The following RIT2 variants were observed in gnomAD, a reference collection of about 807,000 sequenced individuals.
The protein encoded by RIT2 is Ras like without CAAX 2.
In RIT2, 24 loss-of-function variants were observed where a neutral mutation model predicts 23.7. The ratio of observed to expected loss-of-function variants is 1.01; its 90% confidence interval spans 0.73 to 1.43. The LOEUF (loss-of-function observed/expected upper bound fraction) is 1.43. Ranked by LOEUF, RIT2 falls within the 40% of genes most tolerant of loss-of-function variation. RIT2 has a pLI of 0.00. For missense variants in RIT2, 236 were observed against 266.9 expected (o/e 0.88, Z 0.81); for synonymous variants, 107 against 91.1 (o/e 1.17, Z -0.99).
At chr18:43,079,262 G>T (rs2144345653) in intron 1 of RIT2, among the ~76,000 whole-genome samples, 1 of 152,208 alleles carries the variant, frequency 6.6e-6, no homozygotes, top group Non-Finnish European at 1.5e-5. Context: ...CTAGAGCTGA[G>T]ATTTGTGTGT....
intron 4 of RIT2, among the ~76,000 whole-genome samples, chr18:42,872,771 A>G (rs984218317): frequency 1.3e-5 from 2 of 152,134 alleles, no homozygotes; most frequent in Admixed American, 6.6e-5. Flanking sequence ...AAATTTCTCA[A>G]ATGTTAGAAT....
chr18:42,826,406 CA>C (rs1484594264), intron 4 of RIT2, among the ~76,000 whole-genome samples: 1 of 151,910 alleles, frequency 6.6e-6, no homozygotes, highest in Non-Finnish European at 1.5e-5. Context: ...TAAGAGAGAA[CA>C]AAGATTTAAT....
In RIT2 at chr18:43,113,468, C is replaced by G. The variant is rs140421967; in HGVS notation, c.103+1949G>C. On this transcript the variant is annotated intron_variant, in intron 1 of 4. Coordinates refer to ENST00000326695, the MANE Select transcript of RIT2 (RefSeq NM_002930.4). ...CAAGTACTTAATTATGAATTGACTT[C>G]TATTGTACAAAGCAAAGATGAGAGC... Among the ~76,000 whole-genome samples the G allele has an allele frequency of 1.2e-3, 181 of 152,222 alleles. 1 individual carries two copies. The highest frequency in any genetic ancestry group is 4.1e-3 in the African/African-American group (171 of 41,542).
chr18:42,746,739 C>T (rs1272487334), intron 4 of RIT2, among the ~76,000 whole-genome samples: 1 of 151,878 alleles, frequency 6.6e-6, no homozygotes, highest in Non-Finnish European at 1.5e-5. Flanking sequence ...TATTTGAAGC[C>T]AGTATAACCC....
chr18:42,969,690 A>G (rs574084819), intron 3 of RIT2, among the ~76,000 whole-genome samples: 2 of 152,076 alleles, frequency 1.3e-5, no homozygotes, highest in South Asian at 4.2e-4. Flanking sequence ...AAAAAAATTG[A>G]AGGTATTTGC....
chr18:42,892,588 G>A (rs1420787427), intron 4 of RIT2, among the ~76,000 whole-genome samples: 1 of 152,114 alleles, frequency 6.6e-6, no homozygotes, highest in Admixed American at 6.6e-5. Flanking sequence ...TTGAATCTAT[G>A]CAAAGCACAA....
chr18:43,000,396 T>A lies in RIT2; in HGVS notation c.161-26249A>T, dbSNP rs192600794. Among the ~76,000 whole-genome samples, 871 of 152,132 alleles carry A rather than the reference T, an allele frequency of 5.7e-3. 2 individuals are homozygous for A. Among genetic ancestry groups the A allele is most frequent in the Middle Eastern group, 0.01 (3 of 294 alleles). On this transcript the variant is annotated intron_variant, in intron 2 of 4. Transcript: ENST00000326695. ...GTCCTTGACAGGGTTAAACAATCAA[T>A]TGCAATAGGACCAGACTCAAGGGAG...
At chr18:42,953,842 C>T (rs546164966) in intron 3 of RIT2, among the ~76,000 whole-genome samples, 1 of 152,076 alleles carries the variant, frequency 6.6e-6, no homozygotes, top group African/African-American at 2.4e-5. Context: ...ATAGTAGAGA[C>T]CAGATAATAT....
intron 2 of RIT2, among the ~76,000 whole-genome samples, chr18:42,996,974 T>C (rs1426648037): frequency 6.6e-6 from 1 of 152,212 alleles, no homozygotes; most frequent in South Asian, 2.1e-4. Context: ...TCATTTTTTC[T>C]TCTCTTCCCC....
intron 1 of RIT2, among the ~76,000 whole-genome samples, chr18:43,057,796 C>T (rs1043097923): frequency 3.4e-5 from 3 of 88,712 alleles, no homozygotes; most frequent in Admixed American, 2.3e-4. Context: ...AAGTGATGGA[C>T]ACTTTTTTTT....
chr18:42,870,225 A>G (rs556769149), intron 4 of RIT2, among the ~76,000 whole-genome samples: 1 of 152,302 alleles, frequency 6.6e-6, no homozygotes, highest in African/African-American at 2.4e-5. Flanking sequence ...AACTCTTCCT[A>G]ATACTAGACT....
chr18:43,048,151 T>G (rs1912291965), intron 1 of RIT2, among the ~76,000 whole-genome samples: 1 of 152,190 alleles, frequency 6.6e-6, no homozygotes, highest in African/African-American at 2.4e-5. Context: ...AGCCAGTTCC[T>G]TTAACAACCA....
intron 2 of RIT2, among the ~76,000 whole-genome samples, chr18:42,982,837 C>A (rs1910626790): frequency 6.6e-6 from 1 of 151,780 alleles, no homozygotes; most frequent in Admixed American, 6.6e-5. Context: ...TGAAAGAAAT[C>A]AAATATTTAA....
intron 4 of RIT2, among the ~76,000 whole-genome samples, chr18:42,866,478 ACTCTCTGAT>A (rs1054471313): frequency 2.0e-5 from 3 of 151,886 alleles, no homozygotes; most frequent in Non-Finnish European, 4.4e-5. Context: ...AGCTCTGATA[ACTCTCTGAT>A]CTATCTCTCC....
At chr18:42,995,119 C>A (rs992191718) in intron 2 of RIT2, among the ~76,000 whole-genome samples, 1 of 152,280 alleles carries the variant, frequency 6.6e-6, no homozygotes, top group Non-Finnish European at 1.5e-5. Flanking sequence ...GGCCTAATCA[C>A]CACACACCAG....
chr18:42,785,161 C>T (rs1336635857), intron 4 of RIT2, among the ~76,000 whole-genome samples: 1 of 152,034 alleles, frequency 6.6e-6, no homozygotes, highest in Non-Finnish European at 1.5e-5. Context: ...CTAAGGTCAT[C>T]AAACCCTATT....
At chr18:42,996,156 C>G (rs954797111) in intron 2 of RIT2, among the ~76,000 whole-genome samples, 1 of 152,130 alleles carries the variant, frequency 6.6e-6, no homozygotes, top group African/African-American at 2.4e-5. Context: ...TCCAGGCCAT[C>G]ATCAATAATT....
chr18:42,961,847 A>G (rs1910100567), intron 3 of RIT2, among the ~76,000 whole-genome samples: 1 of 152,206 alleles, frequency 6.6e-6, no homozygotes, highest in African/African-American at 2.4e-5. Context: ...GCAACCTCCC[A>G]AAGTGGTATT....
chr18:42,857,939 G>A (rs1054857258), intron 4 of RIT2, among the ~76,000 whole-genome samples: 1 of 152,212 alleles, frequency 6.6e-6, no homozygotes, highest in Non-Finnish European at 1.5e-5. Flanking sequence ...CCAGCACTTT[G>A]GGAGGCCAAG....
Sources: gnomAD v4.1 joint callset for allele counts (sites outside exome capture counted in the v4.1 genomes callset) on GRCh38, gnomAD v4.1.1 for gene constraint, MANE v1.5 for transcripts, NCBI Gene and HGNC (gene_info 2026-07-23, HGNC 2026-07-21) for gene names.